ALG9: variants seen among roughly 807,000 people sequenced by gnomAD.
ALG9 encodes ALG9 alpha-1,2-mannosyltransferase.
A neutral mutation model predicts 81.8 loss-of-function variants in ALG9; 55 were observed. The observed-to-expected ratio is 0.67, with a 90% CI of 0.54 to 0.84. ALG9 has a LOEUF of 0.84. Ranked by LOEUF, ALG9 falls within the 40% of genes least tolerant of loss-of-function variation. The pLI, the probability that ALG9 is intolerant of heterozygous loss-of-function variation, is 0.00. For missense variants in ALG9, 629 were observed against 745.0 expected, an observed-to-expected ratio of 0.84 and a Z score of 1.81; for synonymous variants, 278 against 274.3, an observed-to-expected ratio of 1.01 and a Z score of -0.13.
At chr11:111,817,052 G>A (rs1951592831) in intron 13 of ALG9, among the ~76,000 whole-genome samples, 1 of 152,188 alleles carries the variant, frequency 6.6e-6, no homozygotes, top group South Asian at 2.1e-4. Context: ...AAGGAGCATG[G>A]TTGACAGGGG....
At chr11:111,768,621 TGA>T in the ALG9 span, 2 of 151,992 alleles carry the variant, frequency 1.3e-5, no homozygotes. Flanking sequence ...ATGACTTAAC[TGA>T]GAGTTTTCAG....
In ALG9 at chr11:111,838,153, G is replaced by T. The variant is rs991445728; in HGVS notation, c.1324+96C>A. The T allele has an allele frequency of 1.1e-5, 16 of 1,462,154 alleles. 1 individual carries two copies. The Admixed American group carries it at 2.9e-4, about 27-fold the overall frequency. 90.6% of individuals were successfully genotyped at this position (1,462,154 alleles called of 1,614,324 possible). A position where few individuals can be genotyped will look rare whatever the true frequency, so the allele number is the denominator to read the frequency against. On this transcript the variant is annotated intron_variant, in intron 11 of 14. Coordinates refer to ENST00000616540, the MANE Select transcript of ALG9 (RefSeq NM_024740.2). The stretch of plus-strand genomic sequence containing the variant: ...TTCTCTTTTTAGAAATGGCTTCTTA[G>T]TATAAGCCAAATATGTATTATATAA...
In ALG9 at chr11:111,793,558, A is replaced by G. The variant is rs553643760; in HGVS notation, c.1734-7038T>C. ...GGGCGGATCACAAGGTCAGGAGAGC[A>G]AGACCATCCTGGCTAACATGGTGAA... On this transcript the variant is annotated intron_variant, in intron 14 of 14. Coordinates refer to ENST00000616540, the MANE Select transcript of ALG9 (RefSeq NM_024740.2). 3.5e-3 allele frequency among the ~76,000 whole-genome samples: 529 copies of G among 152,074 alleles called. 4 individuals are homozygous for G. The highest frequency in any genetic ancestry group is 0.011 in the African/African-American group (468 of 41,516).
chr11:111,856,276 C>CAAA lies in ALG9; in HGVS notation c.701+1323_701+1325dup, dbSNP rs1175162630. ...TGGGTGACAGAGCAAGACTCCATCTCAAAAAAAAAAAAAAAAAAAAGAAAA... is the reference window on the plus strand; with the variant it reads ...TGGGTGACAGAGCAAGACTCCATCTCAAAAAAAAAAAAAAAAAAAAAAAGAAAA... On this transcript the variant is annotated intron_variant, in intron 6 of 14. Coordinates refer to ENST00000616540, the MANE Select transcript of ALG9 (RefSeq NM_024740.2). 1.3e-3 allele frequency among the ~76,000 whole-genome samples: 49 copies of CAAA among 38,480 alleles called. 1 individual carries two copies. The highest frequency in any genetic ancestry group is 2.8e-3 in the African/African-American group (37 of 13,362). 25.2% of individuals were successfully genotyped at this position (38,480 alleles called of 152,430 possible).
chr11:111,774,926 G>C, the ALG9 span, among the ~76,000 whole-genome samples: 1 of 151,844 alleles, frequency 6.6e-6, no homozygotes, highest in Non-Finnish European at 1.5e-5. Context: ...TCTCATTTTT[G>C]TAGGCCTCTT....
chr11:111,862,556 T>A (rs894957483), intron 4 of ALG9, among the ~76,000 whole-genome samples: 3 of 151,786 alleles, frequency 2.0e-5, no homozygotes, highest in Non-Finnish European at 4.4e-5. Context: ...TTTCTTAACC[T>A]TTTCTATATT....
At chr11:111,775,815 A>G in the ALG9 span, among the ~76,000 whole-genome samples, 1 of 152,200 alleles carries the variant, frequency 6.6e-6, no homozygotes, top group Non-Finnish European at 1.5e-5. Context: ...ATATCATCCA[A>G]AAAAGACTGT....
intron 13 of ALG9, among the ~76,000 whole-genome samples, chr11:111,835,339 A>C (rs1237636748): frequency 6.6e-6 from 1 of 152,206 alleles, no homozygotes; most frequent in Non-Finnish European, 1.5e-5. Flanking sequence ...ACAGGTATCA[A>C]ATGTCAAAAG....
At chr11:111,788,341 CT>C in intron 14 of ALG9, 1 of 448,252 alleles carries the variant, frequency 2.2e-6, no homozygotes, top group Non-Finnish European at 4.4e-6. Flanking sequence ...CAACAGTGAA[CT>C]CTATCAAGGG....
At chr11:111,870,403 A>AAAAC in intron 1 of ALG9, 33 bp from the exon 2 acceptor site, 1 of 1,501,978 alleles carries the variant, frequency 6.7e-7, no homozygotes, top group Non-Finnish European at 8.8e-7. Flanking sequence ...AAAAAAAAAA[A>AAAAC]AGCATGTCAG....
chr11:111,863,316 C>T (rs1469415240), intron 4 of ALG9, among the ~76,000 whole-genome samples: 2 of 152,046 alleles, frequency 1.3e-5, no homozygotes, highest in Non-Finnish European at 2.9e-5. Context: ...CGAAATCATG[C>T]CACTGCACTC....
In ALG9 at chr11:111,863,686, G is replaced by C. The variant is rs182426342; in HGVS notation, c.476+1495C>G. On this transcript the variant is annotated intron_variant, in intron 4 of 14. Coordinates refer to ENST00000616540, the MANE Select transcript of ALG9 (RefSeq NM_024740.2). ...AAAAGGTGGCTATATTTATTACCGG[G>C]ACACTTAAATGCTTAATAGTCCCAA... Among the ~76,000 whole-genome samples the C allele has an allele frequency of 2.6e-4, 40 of 152,228 alleles. No individual in the cohort carries two copies. In the East Asian group the frequency reaches 4.8e-3, roughly 18 times the overall value.
chr11:111,842,896 T>C (rs1464947308), intron 9 of ALG9, among the ~76,000 whole-genome samples: 2 of 152,202 alleles, frequency 1.3e-5, no homozygotes, highest in Admixed American at 6.5e-5. Flanking sequence ...TATCCTGTTT[T>C]TTTACTGACG....
chr11:111,871,187 G>T, intron 1 of ALG9, 165 bp downstream of exon 1: 1 of 1,300,758 alleles, frequency 7.7e-7, no homozygotes, highest in Non-Finnish European at 9.7e-7. Context: ...ACTGAATGCT[G>T]ACCCGCCCAG....
chr11:111,799,383 C>T (rs185781963), intron 14 of ALG9, among the ~76,000 whole-genome samples: 13 of 151,948 alleles, frequency 8.6e-5, no homozygotes, highest in South Asian at 2.1e-4. Context: ...ACCTATGATC[C>T]GCTCGCCTTG....
At chr11:111,825,116 T>C (rs1209553302) in intron 13 of ALG9, among the ~76,000 whole-genome samples, 2 of 152,190 alleles carry the variant, frequency 1.3e-5, no homozygotes, top group Admixed American at 1.3e-4. Context: ...CTTACTGGAC[T>C]ACAAACAACC....
intron 3 of ALG9, among the ~76,000 whole-genome samples, chr11:111,866,442 G>C (rs996847552): frequency 6.6e-6 from 1 of 152,092 alleles, no homozygotes; most frequent in Non-Finnish European, 1.5e-5. Flanking sequence ...GCTATCACTA[G>C]ATGTGCCAAT....
rs369596048 is a variant in ALG9 at position 111,836,267 on chromosome 11, C to T, written c.1500G>A (p.Glu500=). ...DNWQLQFIPS[E]FRGQLPKPFA... ...AAGGTTTTGGTAACTGACCTCTGAA[C>T]TCTGATGGAATGAACTGAAGCTGCC... Residue 500 remains glutamate, a synonymous_variant, in exon 13 of 15, where the codon GAG becomes GAA. Transcript: ENST00000616540. 34 of 1,614,068 alleles carry T rather than the reference C, an allele frequency of 2.1e-5. No homozygotes were observed. The African/African-American group carries it at 3.3e-4, about 16-fold the overall frequency.
chr11:111,786,318 G>T lies in ALG9; in HGVS notation c.*79C>A. On this transcript the variant is annotated 3_prime_UTR_variant, in exon 15 of 15. Coordinates refer to ENST00000616540, the MANE Select transcript of ALG9 (RefSeq NM_024740.2). ...GAAGACCTTTATTACAAATGTTACAGGCGATGACTTGCAGGGAGTCAGGTC... is the reference window on the plus strand; with the variant it reads ...GAAGACCTTTATTACAAATGTTACATGCGATGACTTGCAGGGAGTCAGGTC... 6.3e-7 allele frequency: 1 copy of T among 1,594,750 alleles called. No individual in the cohort carries two copies. The highest frequency in any genetic ancestry group is 8.6e-7 in the Non-Finnish European group (1 of 1,164,464).
Sources: gnomAD v4.1 joint callset for allele counts (sites outside exome capture counted in the v4.1 genomes callset) on GRCh38, gnomAD v4.1.1 for gene constraint, MANE v1.5 for transcripts, NCBI Gene and HGNC (gene_info 2026-07-23, HGNC 2026-07-21) for gene names.